SPATS2: variants seen among roughly 807,000 people sequenced by gnomAD.
SPATS2 encodes the protein spermatogenesis associated serine rich 2.
In SPATS2, 38 loss-of-function variants were observed where a neutral mutation model predicts 63.7. That is an observed-to-expected ratio of 0.60 (90% CI 0.46 to 0.78). The LOEUF (loss-of-function observed/expected upper bound fraction) is 0.78. Among genes scored for constraint, SPATS2 ranks in the 30% least tolerant of loss-of-function variants. The probability of loss-of-function intolerance (pLI) is 0.00; values close to 1 mark genes in which losing one functional copy is unlikely to be tolerated. For missense variants in SPATS2, 588 were observed against 666.2 expected, an observed-to-expected ratio of 0.88 and a Z score of 1.29; for synonymous variants, 207 against 232.9, an observed-to-expected ratio of 0.89 and a Z score of 1.01.
At chr12:49,386,035 C>T (rs1033659270) in intron 2 of SPATS2, among the ~76,000 whole-genome samples, 6 of 150,096 alleles carry the variant, frequency 4.0e-5, no homozygotes, top group Non-Finnish European at 7.4e-5. Context: ...GGCTGATTTT[C>T]GTATTTTTTT....
intron 2 of SPATS2, among the ~76,000 whole-genome samples, chr12:49,422,781 G>A (rs1053898321): frequency 2.6e-5 from 4 of 152,120 alleles, no homozygotes; most frequent in South Asian, 4.1e-4. Flanking sequence ...ATGTGGTGGC[G>A]TGTGCTTGTA....
At chr12:49,474,439 A>C (rs1033251256) in intron 3 of SPATS2, among the ~76,000 whole-genome samples, 5 of 152,238 alleles carry the variant, frequency 3.3e-5, no homozygotes, top group Non-Finnish European at 7.3e-5. Flanking sequence ...GAAGCATGCA[A>C]TTAGGATTGA....
intron 2 of SPATS2, among the ~76,000 whole-genome samples, chr12:49,377,000 G>A (rs949631294): frequency 2.0e-5 from 3 of 152,172 alleles, no homozygotes; most frequent in African/African-American, 7.2e-5. Context: ...ACAGGCATGA[G>A]CCACCTCACC....
chr12:49,369,776 T>G (rs1943967135), intron 1 of SPATS2, among the ~76,000 whole-genome samples: 2 of 152,236 alleles, frequency 1.3e-5, no homozygotes, highest in South Asian at 4.1e-4. Flanking sequence ...GTTTTCTGTT[T>G]AGTCTTATAC....
intron 13 of SPATS2, 151 bp downstream of exon 13, chr12:49,525,047 C>T (rs1026109399): frequency 7.6e-6 from 6 of 789,522 alleles, no homozygotes; most frequent in African/African-American, 3.5e-5. Context: ...CCTGAGAAAG[C>T]ATTAGATACG....
At chr12:49,437,212 G>A (rs1483981804) in intron 2 of SPATS2, among the ~76,000 whole-genome samples, 2 of 151,418 alleles carry the variant, frequency 1.3e-5, no homozygotes, top group South Asian at 2.1e-4. Context: ...GGGCAGAGAC[G>A]CTCCTCACAT....
rs986282225 is a variant in SPATS2, at chr12:49,367,573, GGGGGCCT to G, written c.-317_-311del. On this transcript the variant is annotated 5_prime_UTR_variant, in exon 1 of 14. Transcript: ENST00000552918. The stretch of plus-strand genomic sequence containing the variant: ...GGAGCTGGGGCGACGAGGCGATTGC[GGGGGCCT>G]GGGCTAGGTGAGGCTAAGGGTGCTG... 16 of 398,454 alleles carry G rather than the reference GGGGGCCT, an allele frequency of 4.0e-5. No individual in the cohort carries two copies. Among genetic ancestry groups the G allele is most frequent in the African/African-American group, 3.1e-4 (15 of 48,596 alleles). 24.7% of individuals were successfully genotyped at this position (398,454 alleles called of 1,614,324 possible). A position where few individuals can be genotyped will look rare whatever the true frequency, so the allele number is the denominator to read the frequency against.
chr12:49,432,212 G>A (rs1945197180), intron 2 of SPATS2, among the ~76,000 whole-genome samples: 1 of 152,168 alleles, frequency 6.6e-6, no homozygotes, highest in African/African-American at 2.4e-5. Context: ...GCTGGCTTAT[G>A]CCTGTAATCC....
chr12:49,459,417 T>C (rs1167451573), intron 2 of SPATS2, among the ~76,000 whole-genome samples: 2 of 152,000 alleles, frequency 1.3e-5, no homozygotes, highest in East Asian at 3.9e-4. Flanking sequence ...GGTGCGATCT[T>C]GGCTCACGGC....
intron 9 of SPATS2, among the ~76,000 whole-genome samples, chr12:49,508,419 G>A (rs1946689218): frequency 6.6e-6 from 1 of 152,124 alleles, no homozygotes; most frequent in African/African-American, 2.4e-5. Flanking sequence ...TGTTGGCCAG[G>A]CTGGTCGCAA....
At position 49,429,255 on chromosome 12, in the gene SPATS2, CT is replaced by C. The variant is rs968869025; in HGVS notation, c.-243-31507del. On this transcript the variant is annotated intron_variant, in intron 2 of 13. Transcript: ENST00000552918. The stretch of plus-strand genomic sequence containing the variant: ...TCTATGTTGTTCCAATTTGAGGTTT[CT>C]TTTTTTTATTAAAAAAATTAATTGG... 1.8e-3 allele frequency among the ~76,000 whole-genome samples: 279 copies of C among 151,814 alleles called. 1 individual carries two copies. The highest frequency in any genetic ancestry group is 6.3e-3 in the African/African-American group (260 of 41,416).
At chr12:49,430,883 A>G (rs1233239427) in intron 2 of SPATS2, among the ~76,000 whole-genome samples, 1 of 151,936 alleles carries the variant, frequency 6.6e-6, no homozygotes, top group African/African-American at 2.4e-5. Context: ...TATTTTTAGT[A>G]GTGATGGAGT....
chr12:49,456,776 A>AAATTTCCTG (rs1222766473), intron 2 of SPATS2, among the ~76,000 whole-genome samples: 1 of 152,122 alleles, frequency 6.6e-6, no homozygotes, highest in Admixed American at 6.5e-5. Flanking sequence ...ATTTAAAGGG[A>AAATTTCCTG]AATTTCCTGT....
At chr12:49,462,717 A>G (rs975336898) in intron 3 of SPATS2, 5 of 498,574 alleles carry the variant, frequency 1.0e-5, no homozygotes, top group South Asian at 9.7e-5. Flanking sequence ...GGGTGCGGGT[A>G]GATAATCTTT....
At chr12:49,424,931 TTG>T (rs1468448792) in intron 2 of SPATS2, among the ~76,000 whole-genome samples, 6 of 152,184 alleles carry the variant, frequency 3.9e-5, no homozygotes, top group Non-Finnish European at 8.8e-5. Flanking sequence ...CCACTCCCGC[TTG>T]GCCTCCCAAA....
chr12:49,457,901 A>C (rs1218617075), intron 2 of SPATS2, among the ~76,000 whole-genome samples: 1 of 152,104 alleles, frequency 6.6e-6, no homozygotes, highest in Non-Finnish European at 1.5e-5. Flanking sequence ...GCTGGTTCTC[A>C]CAGCTTGGCT....
chr12:49,448,262 C>T (rs1416122280), intron 2 of SPATS2, among the ~76,000 whole-genome samples: 32 of 151,172 alleles, frequency 2.1e-4, no homozygotes, highest in African/African-American at 5.1e-4. Flanking sequence ...CTCAGCCTCC[C>T]GAGTAGCTGG....
intron 8 of SPATS2, among the ~76,000 whole-genome samples, chr12:49,499,704 G>A (rs1026319514): frequency 2.0e-5 from 3 of 152,196 alleles, no homozygotes; most frequent in Admixed American, 1.3e-4. Context: ...CTGCATTGTA[G>A]CCTAGAAACT....
At chr12:49,488,286 G>A (rs944305811) in intron 4 of SPATS2, among the ~76,000 whole-genome samples, 3 of 151,510 alleles carry the variant, frequency 2.0e-5, no homozygotes, top group Non-Finnish European at 2.9e-5. Flanking sequence ...CTCGTGATCC[G>A]CCTGCCTCAG....
Sources: gnomAD v4.1 joint callset for allele counts (sites outside exome capture counted in the v4.1 genomes callset) on GRCh38, gnomAD v4.1.1 for gene constraint, MANE v1.5 for transcripts, NCBI Gene and HGNC (gene_info 2026-07-23, HGNC 2026-07-21) for gene names.